The following ELMOD3 variants were observed in gnomAD, a reference collection of about 807,000 sequenced individuals.
ELMOD3 encodes ELMO domain-containing protein 3.
A neutral mutation model predicts 47.4 loss-of-function variants in ELMOD3; 36 were observed. The observed-to-expected ratio is 0.76, with a 90% CI of 0.58 to 1.00. The LOEUF is 1.00. Among genes scored for constraint, ELMOD3 ranks in the 50% least tolerant of loss-of-function variants. The pLI is 0.00. For missense variants in ELMOD3, 404 were observed against 463.8 expected, an observed-to-expected ratio of 0.87 and a Z score of 1.18; for synonymous variants, 149 against 183.5, an observed-to-expected ratio of 0.81 and a Z score of 1.52.
chr2:85,371,742 A>T (rs1445328516), intron 10 of ELMOD3, 180 bp downstream of exon 10: 1 of 834,616 alleles, frequency 1.2e-6, no homozygotes, highest in Non-Finnish European at 1.8e-6. Context: ...CTTGAAAAAT[A>T]GCAAGAGTAG....
chr2:85,390,409 A>G (rs1573162501), intron 13 of ELMOD3, 144 bp downstream of exon 13: 1 of 1,613,814 alleles, frequency 6.2e-7, no homozygotes, highest in Non-Finnish European at 8.5e-7. Context: ...AATCTCCATC[A>G]CCCACCCCCT....
chr2:85,361,114 T>A (rs374426465), intron 4 of ELMOD3, among the ~76,000 whole-genome samples: 3 of 152,166 alleles, frequency 2.0e-5, no homozygotes, highest in African/African-American at 7.2e-5. Context: ...CCACCACACC[T>A]GGTGATTTTT....
At chr2:85,370,697 A>AT (rs1684731194) in intron 8 of ELMOD3, among the ~76,000 whole-genome samples, 1 of 152,178 alleles carries the variant, frequency 6.6e-6, no homozygotes, top group Admixed American at 6.5e-5. Flanking sequence ...CCTCAGAGTC[A>AT]TCTAACTCTA....
At position 85,371,552 on chromosome 2, in the gene ELMOD3, G is replaced by C; in HGVS notation, c.597G>C (p.Leu199=). Reference sequence around the variant, plus strand: ...TTCATGGAAACCACTGGGAGGACCTGGGCTTTCAGGGTAAGAGGGAGGAGT... The same window carrying C: ...TTCATGGAAACCACTGGGAGGACCTCGGCTTTCAGGGTAAGAGGGAGGAGT... ...CALHGNHWED[L]GFQGANPATD... is the part of the protein sequence containing the mutation. Residue 199 remains leucine, a synonymous_variant, in exon 10 of 14, where the codon CTG becomes CTC. Coordinates refer to ENST00000409013, the MANE Select transcript of ELMOD3 (RefSeq NM_001135022.2). 1 of 1,614,170 alleles carries C rather than the reference G, an allele frequency of 6.2e-7. No individual in the cohort carries two copies. Among genetic ancestry groups the C allele is most frequent in the Non-Finnish European group, 8.5e-7 (1 of 1,180,030 alleles).
intron 10 of ELMOD3, among the ~76,000 whole-genome samples, chr2:85,373,113 G>A (rs1684917610): frequency 6.6e-6 from 1 of 151,792 alleles, no homozygotes; most frequent in African/African-American, 2.4e-5. Context: ...AAATTAGCCA[G>A]GCATGGGGGT....
At chr2:85,364,804 C>CAAATATATAT (rs1684234962) in intron 6 of ELMOD3, among the ~76,000 whole-genome samples, 1 of 78,056 alleles carries the variant, frequency 1.3e-5, no homozygotes. Flanking sequence ...ACTTTAAATA[C>CAAATATATAT]ATATATATAT....
chr2:85,382,061 G>A (rs1366965185), intron 11 of ELMOD3, among the ~76,000 whole-genome samples: 6 of 143,612 alleles, frequency 4.2e-5, no homozygotes, highest in Admixed American at 7.2e-5. Context: ...AGCTTGCAGC[G>A]AGCCGAGATC....
At chr2:85,374,238 C>T (rs935945689) in intron 10 of ELMOD3, among the ~76,000 whole-genome samples, 1 of 151,988 alleles carries the variant, frequency 6.6e-6, no homozygotes, top group African/African-American at 2.4e-5. Flanking sequence ...TGGTGGCTCA[C>T]ACCTGTAATC....
chr2:85,386,886 C>A (rs1685966235), intron 11 of ELMOD3, among the ~76,000 whole-genome samples: 1 of 152,088 alleles, frequency 6.6e-6, no homozygotes, highest in South Asian at 2.1e-4. Flanking sequence ...GCCTGTAATC[C>A]CAGCTACTCG....
chr2:85,390,268 G>A lies in ELMOD3; in HGVS notation c.943+3G>A, dbSNP rs192695926. On this transcript the variant is annotated splice_donor_region_variant and intron_variant, in intron 13 of 13. Coordinates refer to ENST00000409013, the MANE Select transcript of ELMOD3 (RefSeq NM_001135022.2). ...AGACTCGGGCTTTGTCCTCAAAGGT[G>A]TGCTCTTTCTTCTGGGGAGGCCTAG... 5.7e-5 allele frequency: 92 copies of A among 1,614,176 alleles called. 1 individual carries two copies. Among genetic ancestry groups the A allele is most frequent in the Admixed American group, 5.3e-4 (32 of 60,020 alleles).
chr2:85,390,425 C>A (rs1416564783), intron 13 of ELMOD3, 160 bp downstream of exon 13: 1 of 1,614,196 alleles, frequency 6.2e-7, no homozygotes, highest in South Asian at 1.1e-5. Context: ...CCCCTGGAGT[C>A]TGCTAGTTCT....
chr2:85,366,480 C>T (rs1041930760), intron 6 of ELMOD3, among the ~76,000 whole-genome samples: 7 of 152,154 alleles, frequency 4.6e-5, no homozygotes, highest in African/African-American at 1.7e-4. Context: ...CCATCTCACC[C>T]GCTGCCTCTG....
intron 11 of ELMOD3, among the ~76,000 whole-genome samples, chr2:85,381,585 T>C (rs987160687): frequency 6.6e-5 from 10 of 152,252 alleles, no homozygotes; most frequent in African/African-American, 2.4e-4. Context: ...CAGGGGCTCA[T>C]GTGCTGCTTT....
At chr2:85,371,012 G>A in intron 8 of ELMOD3, 74 bp from the exon 9 acceptor site, 1 of 1,550,956 alleles carries the variant, frequency 6.4e-7, no homozygotes, top group East Asian at 2.3e-5. Flanking sequence ...ACTGCCTCTG[G>A]TCTGAGCCTG....
chr2:85,380,281 C>A (rs2104672731), intron 11 of ELMOD3, among the ~76,000 whole-genome samples: 1 of 152,232 alleles, frequency 6.6e-6, no homozygotes, highest in Non-Finnish European at 1.5e-5. Context: ...TAAAAGCTGT[C>A]AATAGCTCAA....
intron 11 of ELMOD3, among the ~76,000 whole-genome samples, chr2:85,386,139 A>G (rs1039248631): frequency 2.0e-5 from 3 of 152,170 alleles, no homozygotes; most frequent in Admixed American, 1.3e-4. Context: ...GCCGCAGAAG[A>G]TACTCTGGTC....
At chr2:85,381,280 A>G (rs1295815846) in intron 11 of ELMOD3, among the ~76,000 whole-genome samples, 1 of 152,244 alleles carries the variant, frequency 6.6e-6, no homozygotes, top group Non-Finnish European at 1.5e-5. Flanking sequence ...ATATCACAAA[A>G]TAGGATCACA....
intron 1 of ELMOD3, 53 bp from the exon 2 acceptor site, chr2:85,355,023 C>G (rs921322550): frequency 6.4e-6 from 1 of 155,270 alleles, no homozygotes; most frequent in Non-Finnish European, 1.4e-5. Flanking sequence ...TGGCTCTGCC[C>G]TGGACTCGCT....
chr2:85,363,633 C>G (rs1048545922), intron 6 of ELMOD3, among the ~76,000 whole-genome samples: 1 of 152,102 alleles, frequency 6.6e-6, no homozygotes, highest in South Asian at 2.1e-4. Flanking sequence ...AAAGGCATAC[C>G]CAAGACTGGG....
Sources: allele counts gnomAD v4.1 joint callset (sites outside exome capture counted in the v4.1 genomes callset), GRCh38; gene constraint gnomAD v4.1.1; transcripts MANE v1.5; gene names NCBI Gene and HGNC (gene_info 2026-07-23, HGNC 2026-07-21).